The following BRINP2 variants were observed in gnomAD, a reference collection of about 807,000 sequenced individuals.
BRINP2 encodes BMP/retinoic acid-inducible neural-specific protein 2.
BRINP2 carries 21 observed loss-of-function variants against 69.2 expected under a neutral mutation model. That is an observed-to-expected ratio of 0.30 (90% confidence interval 0.22 to 0.44). The LOEUF (loss-of-function observed/expected upper bound fraction) is 0.44. BRINP2 is among the 20% of genes least tolerant of loss of function. The pLI, the probability that BRINP2 is intolerant of heterozygous loss-of-function variation, is 1.00. For synonymous variants in BRINP2, 380 were observed against 394.1 expected (o/e 0.96, Z 0.42); for missense variants, 877 against 986.0 (o/e 0.89, Z 1.48).
At chr1:177,214,259 C>G (rs1299227552) in intron 1 of BRINP2, among the ~76,000 whole-genome samples, 3 of 152,050 alleles carry the variant, frequency 2.0e-5, no homozygotes, top group African/African-American at 7.3e-5. Context: ...TGGTGAAACC[C>G]CCATCTCTGC....
intron 1 of BRINP2, among the ~76,000 whole-genome samples, chr1:177,181,094 T>C (rs998263445): frequency 6.6e-6 from 1 of 152,198 alleles, no homozygotes; most frequent in Admixed American, 6.5e-5. Context: ...ATAAAATGGG[T>C]ACAGAGAGGT....
At chr1:177,188,793 G>A (rs573225962) in intron 1 of BRINP2, among the ~76,000 whole-genome samples, 30 of 149,914 alleles carry the variant, frequency 2.0e-4, no homozygotes, top group Admixed American at 1.8e-3. Flanking sequence ...AGTATTATGC[G>A]TAGGTTAAGA....
intron 2 of BRINP2, among the ~76,000 whole-genome samples, chr1:177,246,558 T>A (rs1650390185): frequency 6.6e-6 from 1 of 152,244 alleles, no homozygotes; most frequent in African/African-American, 2.4e-5. Context: ...CTAGTCCCTT[T>A]CAGCACTGTA....
Position 177,222,437 on chromosome 1 carries a change from G to A in BRINP2, c.-76-7364G>A, listed in dbSNP as rs746908495. On this transcript the variant is annotated intron_variant, in intron 1 of 7. Coordinates refer to ENST00000361539, the MANE Select transcript of BRINP2 (RefSeq NM_021165.4). ...AGTGATCCTCCTGCCTCAGCCTCCCGAGTGGCTAGGATTACAGGCACCTGC... is the reference window on the plus strand; with the variant it reads ...AGTGATCCTCCTGCCTCAGCCTCCCAAGTGGCTAGGATTACAGGCACCTGC... 8.5e-5 allele frequency among the ~76,000 whole-genome samples: 13 copies of A among 152,100 alleles called. No homozygotes were observed. In the East Asian group the frequency reaches 1.6e-3, roughly 18 times the overall value.
At chr1:177,255,854 C>T in intron 2 of BRINP2, 65 bp from the exon 3 acceptor site, 1 of 1,508,058 alleles carries the variant, frequency 6.6e-7, no homozygotes, top group Non-Finnish European at 9.1e-7. Context: ...TTACCTACTT[C>T]AGATTTTATG....
chr1:177,200,820 T>C (rs1313325034), intron 1 of BRINP2, among the ~76,000 whole-genome samples: 1 of 152,200 alleles, frequency 6.6e-6, no homozygotes, highest in Non-Finnish European at 1.5e-5. Flanking sequence ...GATTAAATAA[T>C]TGATTACTGC....
At chr1:177,180,498 C>T (rs549209945) in intron 1 of BRINP2, among the ~76,000 whole-genome samples, 2 of 152,202 alleles carry the variant, frequency 1.3e-5, no homozygotes, top group Non-Finnish European at 2.9e-5. Flanking sequence ...CAGAGTTGAG[C>T]ATCCTTAAGC....
At chr1:177,233,070 A>G (rs1649912089) in intron 2 of BRINP2, among the ~76,000 whole-genome samples, 1 of 152,210 alleles carries the variant, frequency 6.6e-6, no homozygotes, top group Non-Finnish European at 1.5e-5. Context: ...TTGTACAGCA[A>G]GTTTCTAACA....
At chr1:177,211,976 A>G (rs1338204698) in intron 1 of BRINP2, among the ~76,000 whole-genome samples, 1 of 152,200 alleles carries the variant, frequency 6.6e-6, no homozygotes, top group African/African-American at 2.4e-5. Flanking sequence ...TATATTATAA[A>G]TAAAAGGTTT....
intron 1 of BRINP2, among the ~76,000 whole-genome samples, chr1:177,229,192 G>T (rs1649788917): frequency 6.6e-6 from 1 of 152,112 alleles, no homozygotes; most frequent in African/African-American, 2.4e-5. Flanking sequence ...GCTGGAAGAG[G>T]TCTTAGAAAT....
intron 1 of BRINP2, among the ~76,000 whole-genome samples, chr1:177,201,144 C>T (rs1648898380): frequency 6.6e-6 from 1 of 151,988 alleles, no homozygotes; most frequent in African/African-American, 2.4e-5. Flanking sequence ...AGAACTTATC[C>T]ATATACCCAA....
At chr1:177,230,393 C>T (rs1479183091) in intron 2 of BRINP2, among the ~76,000 whole-genome samples, 1 of 152,210 alleles carries the variant, frequency 6.6e-6, no homozygotes, top group Admixed American at 6.5e-5. Context: ...AAAAGGGTTT[C>T]TATTTATAGG....
At position 177,257,325 on chromosome 1, in the gene BRINP2, G is replaced by A; in HGVS notation, c.610G>A (p.Asp204Asn). The change falls in exon 4 of 8, where the codon GAC becomes AAC. Residue 204 changes from aspartate to asparagine, a missense_variant. By Grantham distance (23) the Asp-to-Asn change is conservative (BLOSUM62 1). This residue lies in a region of BRINP2 where 566 missense variants were observed against 625.2 expected (regional missense o/e 0.91). Transcript: ENST00000361539. ...LHQLAASYFI[D>N]RESTLRRLHH... ...CCAGCTGGCCGCCTCCTACTTCATC[G>A]ACAGAGAGAGCACGCTGCGACGGCT... The A allele has an allele frequency of 1.9e-6, 3 of 1,613,986 alleles. No individual in the cohort carries two copies. The highest frequency in any genetic ancestry group is 1.7e-5 in the Admixed American group (1 of 60,004).
intron 1 of BRINP2, among the ~76,000 whole-genome samples, chr1:177,216,841 C>T (rs12731117): frequency 0.19 from 27,675 of 148,992 alleles, 2,960 homozygotes; most frequent in Middle Eastern, 0.24. Context: ...TCCTGGCCCG[C>T]GGTGTTTCTG....
At chr1:177,239,915 C>A (rs531451575) in intron 2 of BRINP2, among the ~76,000 whole-genome samples, 1 of 152,360 alleles carries the variant, frequency 6.6e-6, no homozygotes, top group East Asian at 1.9e-4. Flanking sequence ...GATCCTGCCA[C>A]CCTGCCAAGC....
At chr1:177,192,852 A>C (rs1648631041) in intron 1 of BRINP2, among the ~76,000 whole-genome samples, 1 of 152,232 alleles carries the variant, frequency 6.6e-6, no homozygotes, top group East Asian at 1.9e-4. Context: ...GTAGTTGAAA[A>C]CATAAAGTAG....
chr1:177,242,988 A>AT (rs1358113035), intron 2 of BRINP2, among the ~76,000 whole-genome samples: 1 of 152,102 alleles, frequency 6.6e-6, no homozygotes, highest in Non-Finnish European at 1.5e-5. Flanking sequence ...TCTGAGCCTC[A>AT]TTTTTTCTCA....
intron 1 of BRINP2, among the ~76,000 whole-genome samples, chr1:177,192,682 C>T (rs1373009608): frequency 5.9e-5 from 9 of 152,156 alleles, no homozygotes; most frequent in Non-Finnish European, 1.3e-4. Context: ...GGATTATTTA[C>T]AGTGTGAGTG....
intron 4 of BRINP2, among the ~76,000 whole-genome samples, chr1:177,261,302 CAGTGGTAAAGGTA>C (rs1175811454): frequency 6.6e-6 from 1 of 152,118 alleles, no homozygotes; most frequent in African/African-American, 2.4e-5. Context: ...GTGGCTATTG[CAGTGGTAAAGGTA>C]AGACATAATT....
Sources: allele counts gnomAD v4.1 joint callset (sites outside exome capture counted in the v4.1 genomes callset), GRCh38; gene constraint gnomAD v4.1.1; regional missense constraint gnomAD v4.1.1; transcripts MANE v1.5; gene names NCBI Gene and HGNC (gene_info 2026-07-23, HGNC 2026-07-21).